Variants in SLC14A2 observed in about 807,000 individuals in gnomAD.
SLC14A2 encodes solute carrier family 14 member 2, also known as urea transporter 2.
A neutral mutation model predicts 104.6 loss-of-function variants in SLC14A2; 91 were observed. The observed-to-expected ratio is 0.87, with a 90% CI of 0.73 to 1.04. SLC14A2 has a LOEUF of 1.04. Among genes scored for constraint, SLC14A2 ranks in the 50% least tolerant of loss-of-function variants. SLC14A2 has a pLI of 0.00. For missense variants in SLC14A2, 1,189 were observed against 1,156.0 expected (o/e 1.03, Z -0.41); for synonymous variants, 476 against 466.4 (o/e 1.02, Z -0.27).
At chr18:45,519,786 C>T (rs883285) in intron 2 of SLC14A2, among the ~76,000 whole-genome samples, 11,421 of 152,286 alleles carry the variant, frequency 0.075, 549 homozygotes, top group East Asian at 0.2. Flanking sequence ...GGGATCTGCT[C>T]ATCCCCTGGA....
chr18:45,324,579 A>G (rs529589342), intron 1 of SLC14A2, among the ~76,000 whole-genome samples: 1 of 151,332 alleles, frequency 6.6e-6, no homozygotes, highest in East Asian at 2.0e-4. Context: ...CTGTTACCCT[A>G]TCCCAAGGAA....
At chr18:45,557,981 A>G (rs751682803) in intron 2 of SLC14A2, among the ~76,000 whole-genome samples, 1 of 152,114 alleles carries the variant, frequency 6.6e-6, no homozygotes, top group African/African-American at 2.4e-5. Context: ...TGTCCACTCA[A>G]AGACACTCAG....
intron 2 of SLC14A2, among the ~76,000 whole-genome samples, chr18:45,568,210 C>T (rs567754185): frequency 1.3e-5 from 2 of 152,348 alleles, no homozygotes; most frequent in South Asian, 4.1e-4. Flanking sequence ...CCCCAGCAGG[C>T]TTGTGCCTTG....
At chr18:45,329,230 T>G (rs186986720) in intron 1 of SLC14A2, among the ~76,000 whole-genome samples, 85 of 152,350 alleles carry the variant, frequency 5.6e-4, no homozygotes, top group African/African-American at 2.0e-3. Flanking sequence ...TTCTTCTGTA[T>G]TATGGAGCAG....
intron 2 of SLC14A2, among the ~76,000 whole-genome samples, chr18:45,568,464 A>G (rs1416081720): frequency 6.6e-6 from 1 of 152,248 alleles, no homozygotes; most frequent in South Asian, 2.1e-4. Context: ...CATTTGAGGC[A>G]CATGGTAGGA....
At chr18:45,487,276 T>C (rs967934938) in intron 2 of SLC14A2, among the ~76,000 whole-genome samples, 4 of 152,220 alleles carry the variant, frequency 2.6e-5, no homozygotes, top group African/African-American at 9.6e-5. Context: ...TGACCATTCT[T>C]CTGTAGTCCA....
At chr18:45,607,078 AT>A (rs957290804) in intron 2 of SLC14A2, among the ~76,000 whole-genome samples, 65 of 150,184 alleles carry the variant, frequency 4.3e-4, no homozygotes, top group East Asian at 7.8e-4. Context: ...TTGCTTTCTG[AT>A]TTTTTTTTTC....
At chr18:45,301,398 A>C (rs759136988) in intron 1 of SLC14A2, among the ~76,000 whole-genome samples, 1 of 152,238 alleles carries the variant, frequency 6.6e-6, no homozygotes, top group Non-Finnish European at 1.5e-5. Context: ...AAGACAACTT[A>C]GACTTTCAGA....
chr18:45,414,010 T>C (rs2612565), intron 1 of SLC14A2, among the ~76,000 whole-genome samples: 151,664 of 152,326 alleles, frequency 1, 75,505 homozygotes, highest in Middle Eastern at 1. Context: ...CTGTGCCTCG[T>C]ACAAAAAAAG....
Position 45,247,809 on chromosome 18 carries a change from G to A in SLC14A2, c.-125+34618G>A, listed in dbSNP as rs73425953. ...TGCTGTGATACGAGGCACTGGAGTT[G>A]TAAGCAACCATGTCTCTCATGACCA... On this transcript the variant is annotated intron_variant, in intron 1 of 20. Transcript: ENST00000586448. Among the ~76,000 whole-genome samples the A allele has an allele frequency of 2.5e-3, 374 of 151,202 alleles. 1 individual carries two copies. Among genetic ancestry groups the A allele is most frequent in the African/African-American group, 8.5e-3 (350 of 41,114 alleles).
At chr18:45,644,583 A>G (rs940195176) in intron 10 of SLC14A2, among the ~76,000 whole-genome samples, 2 of 152,142 alleles carry the variant, frequency 1.3e-5, no homozygotes, top group Admixed American at 1.3e-4. Flanking sequence ...CAGGGGACAC[A>G]GGCTAGGAAG....
chr18:45,249,878 G>C (rs955535238), intron 1 of SLC14A2, among the ~76,000 whole-genome samples: 1 of 152,152 alleles, frequency 6.6e-6, no homozygotes, highest in Non-Finnish European at 1.5e-5. Flanking sequence ...GTGCCCAGGA[G>C]TTCAAGGGTG....
intron 1 of SLC14A2, among the ~76,000 whole-genome samples, chr18:45,283,022 G>A (rs2084778662): frequency 6.6e-6 from 1 of 152,148 alleles, no homozygotes; most frequent in Non-Finnish European, 1.5e-5. Context: ...CACATGACAT[G>A]GTCACAGCTT....
intron 1 of SLC14A2, among the ~76,000 whole-genome samples, chr18:45,243,546 A>G (rs922794144): frequency 1.3e-5 from 2 of 152,272 alleles, no homozygotes; most frequent in Middle Eastern, 3.2e-3. Context: ...TTAGAAAAAC[A>G]TCACATATCT....
intron 10 of SLC14A2, among the ~76,000 whole-genome samples, chr18:45,659,961 CAA>C (rs11456560): frequency 7.6e-5 from 8 of 104,780 alleles, no homozygotes; most frequent in Non-Finnish European, 3.9e-5. Flanking sequence ...ACTGGCTCTA[CAA>C]AAAAAAAAAA....
chr18:45,651,924 G>A (rs2045745043), intron 10 of SLC14A2, among the ~76,000 whole-genome samples: 1 of 152,156 alleles, frequency 6.6e-6, no homozygotes, highest in Admixed American at 6.5e-5. Context: ...ACTCTCCTTG[G>A]CATTGACTTT....
chr18:45,296,734 T>C (rs72906613), intron 1 of SLC14A2, among the ~76,000 whole-genome samples: 19,780 of 152,144 alleles, frequency 0.13, 1,497 homozygotes, highest in African/African-American at 0.2. Context: ...GATGGAGGCT[T>C]GTTTCGGAAG....
intron 1 of SLC14A2, among the ~76,000 whole-genome samples, chr18:45,417,826 T>A (rs1009235676): frequency 2.0e-5 from 3 of 152,188 alleles, no homozygotes; most frequent in African/African-American, 7.2e-5. Context: ...GTAAATAATA[T>A]TTTTTAAAGA....
chr18:45,674,067 G>T (rs1027853244), intron 18 of SLC14A2, among the ~76,000 whole-genome samples: 1 of 152,098 alleles, frequency 6.6e-6, no homozygotes, highest in Non-Finnish European at 1.5e-5. Flanking sequence ...CAGGTTACTC[G>T]TTACATATGG....
Sources: allele counts gnomAD v4.1 joint callset (sites outside exome capture counted in the v4.1 genomes callset), GRCh38; gene constraint gnomAD v4.1.1; transcripts MANE v1.5; gene names NCBI Gene and HGNC (gene_info 2026-07-23, HGNC 2026-07-21).